The following SNTG2 variants were observed in gnomAD, a reference collection of about 807,000 sequenced individuals.
The protein encoded by SNTG2 is gamma-2-syntrophin.
SNTG2 carries 74 observed loss-of-function variants against 70.9 expected under a neutral mutation model. That is an observed-to-expected ratio of 1.04 (90% CI 0.86 to 1.27). The LOEUF (loss-of-function observed/expected upper bound fraction) is 1.27. Ranked by LOEUF, SNTG2 falls within the 50% of genes most tolerant of loss-of-function variation. The probability of loss-of-function intolerance (pLI) is 0.00; values close to 1 mark genes in which losing one functional copy is unlikely to be tolerated. For synonymous variants in SNTG2, 278 were observed against 273.8 expected (o/e 1.02, Z -0.15); for missense variants, 717 against 690.7 (o/e 1.04, Z -0.43).
intron 4 of SNTG2, among the ~76,000 whole-genome samples, chr2:1,106,578 C>T (rs1306493175): frequency 2.1e-5 from 3 of 145,288 alleles, no homozygotes; most frequent in African/African-American, 5.3e-5. Flanking sequence ...TGGAGAGCTC[C>T]TTGGTAACAG....
intron 1 of SNTG2, among the ~76,000 whole-genome samples, chr2:1,020,902 C>G (rs899056279): frequency 2.0e-5 from 3 of 152,100 alleles, no homozygotes; most frequent in Admixed American, 2.0e-4. Flanking sequence ...TGCTTAATAG[C>G]TTTAGCATTT....
At chr2:1,046,635 G>A (rs1661751978) in intron 1 of SNTG2, among the ~76,000 whole-genome samples, 1 of 152,122 alleles carries the variant, frequency 6.6e-6, no homozygotes, top group Admixed American at 6.5e-5. Context: ...TGCTGGATAT[G>A]AAATTTTTGG....
intron 6 of SNTG2, among the ~76,000 whole-genome samples, chr2:1,149,691 T>G (rs1558458398): frequency 2.2e-4 from 1 of 4,456 alleles, no homozygotes; most frequent in African/African-American, 9.5e-4. Context: ...TTTTTTTTTT[T>G]TTTTTTTTTT....
At chr2:1,109,722 T>A (rs1666314633) in intron 4 of SNTG2, among the ~76,000 whole-genome samples, 1 of 152,146 alleles carries the variant, frequency 6.6e-6, no homozygotes, top group Non-Finnish European at 1.5e-5. Context: ...TTAAATAAAT[T>A]AATGGTAATA....
chr2:1,221,483 C>CTG (rs1674844000), intron 9 of SNTG2, among the ~76,000 whole-genome samples: 2 of 38,870 alleles, frequency 5.1e-5, no homozygotes, highest in Non-Finnish European at 9.5e-5. Flanking sequence ...GTCTCTCTCT[C>CTG]TCTCTGTCTC....
At chr2:1,051,830 C>A (rs915468152) in intron 1 of SNTG2, among the ~76,000 whole-genome samples, 2 of 152,172 alleles carry the variant, frequency 1.3e-5, no homozygotes, top group Admixed American at 1.3e-4. Flanking sequence ...CTGCAGGACC[C>A]GGAGCCAGAA....
intron 16 of SNTG2, among the ~76,000 whole-genome samples, chr2:1,333,980 G>T (rs1486293280): frequency 6.6e-6 from 1 of 152,162 alleles, no homozygotes; most frequent in Non-Finnish European, 1.5e-5. Flanking sequence ...CACAGCAAAA[G>T]AAATGATCAG....
At chr2:1,193,172 C>T (rs993782430) in intron 8 of SNTG2, among the ~76,000 whole-genome samples, 2 of 152,220 alleles carry the variant, frequency 1.3e-5, no homozygotes, top group African/African-American at 4.8e-5. Flanking sequence ...AAATTCAGAA[C>T]TCTTTGTTCT....
intron 8 of SNTG2, among the ~76,000 whole-genome samples, chr2:1,176,688 C>G (rs1236130632): frequency 6.6e-6 from 1 of 151,468 alleles, no homozygotes; most frequent in African/African-American, 2.4e-5. Context: ...AGGACACGAA[C>G]AGATACTTCT....
intron 1 of SNTG2, among the ~76,000 whole-genome samples, chr2:1,001,936 A>G (rs1350784989): frequency 1.3e-5 from 2 of 152,132 alleles, no homozygotes; most frequent in Admixed American, 6.5e-5. Context: ...AAGGAACAGA[A>G]TAGAGAACCC....
intron 8 of SNTG2, among the ~76,000 whole-genome samples, chr2:1,181,261 A>G (rs986801630): frequency 6.6e-6 from 1 of 152,162 alleles, no homozygotes; most frequent in African/African-American, 2.4e-5. Flanking sequence ...TTTGCACTCA[A>G]GAGTGTGTTT....
intron 6 of SNTG2, among the ~76,000 whole-genome samples, chr2:1,151,861 A>G (rs1473679077): frequency 3.3e-5 from 5 of 152,172 alleles, no homozygotes; most frequent in African/African-American, 9.7e-5. Flanking sequence ...ACTCGTGTGT[A>G]AGTGGCATAA....
intron 16 of SNTG2, among the ~76,000 whole-genome samples, chr2:1,323,599 CT>C (rs1681629084): frequency 6.7e-6 from 1 of 149,334 alleles, no homozygotes; most frequent in Admixed American, 6.7e-5. Context: ...CTGAGACCCC[CT>C]GTAGGCTGGG....
intron 9 of SNTG2, among the ~76,000 whole-genome samples, chr2:1,224,442 T>C (rs1446374579): frequency 6.6e-6 from 1 of 152,154 alleles, no homozygotes; most frequent in South Asian, 2.1e-4. Context: ...CTTCCCAGCC[T>C]CCTCATCCCC....
chr2:1,086,618 A>T (rs1245702725), intron 2 of SNTG2, among the ~76,000 whole-genome samples: 3 of 152,204 alleles, frequency 2.0e-5, no homozygotes, highest in Non-Finnish European at 4.4e-5. Context: ...ATCTACTCTA[A>T]TGAAGGCCTC....
intron 9 of SNTG2, 54 bp downstream of exon 9, chr2:1,209,284 C>T: frequency 1.2e-6 from 2 of 1,608,364 alleles, no homozygotes; most frequent in Non-Finnish European, 1.7e-6. Flanking sequence ...TGCACTTTTG[C>T]CAGTTCCTAC....
chr2:1,263,353 T>A (rs1347085924), intron 13 of SNTG2, among the ~76,000 whole-genome samples: 1 of 152,210 alleles, frequency 6.6e-6, no homozygotes, highest in Non-Finnish European at 1.5e-5. Flanking sequence ...ATTATTAAGG[T>A]TATATTAATA....
At chr2:984,882 A>G (rs1345554192) in intron 1 of SNTG2, among the ~76,000 whole-genome samples, 1 of 152,174 alleles carries the variant, frequency 6.6e-6, no homozygotes, top group Non-Finnish European at 1.5e-5. Flanking sequence ...GGCACAGTAG[A>G]AGTTTTATTA....
At chr2:1,361,504 G>C (rs548094960) in intron 16 of SNTG2, among the ~76,000 whole-genome samples, 2 of 152,340 alleles carry the variant, frequency 1.3e-5, no homozygotes, top group South Asian at 2.1e-4. Context: ...TGCAAACAAA[G>C]AGTGTTTAAA....
Sources: allele counts gnomAD v4.1 joint callset (sites outside exome capture counted in the v4.1 genomes callset), GRCh38; gene constraint gnomAD v4.1.1; transcripts MANE v1.5; gene names NCBI Gene and HGNC (gene_info 2026-07-23, HGNC 2026-07-21).